Variants in THSD7A observed in about 807,000 individuals in gnomAD.
THSD7A encodes the protein thrombospondin type-1 domain-containing protein 7A.
Under a neutral mutation model 231.3 loss-of-function variants are expected in THSD7A, and 96 were observed. That is an observed-to-expected ratio of 0.41 (90% CI 0.35 to 0.49). The LOEUF (loss-of-function observed/expected upper bound fraction) is 0.49, where lower values mean the gene tolerates loss of function less well. THSD7A is among the 20% of genes least tolerant of loss of function. THSD7A has a pLI of 0.05. For missense variants in THSD7A, 2,290 were observed against 2,070.2 expected (o/e 1.11, Z -2.06); for synonymous variants, 940 against 743.3 (o/e 1.26, Z -4.30).
intron 4 of THSD7A, among the ~76,000 whole-genome samples, chr7:11,563,952 T>C (rs1337392136): frequency 6.6e-6 from 1 of 152,162 alleles, no homozygotes; most frequent in Non-Finnish European, 1.5e-5. Flanking sequence ...GTGTTTTTTC[T>C]TACACTAGAC....
chr7:11,536,462 G>A (rs1173498602), intron 6 of THSD7A, among the ~76,000 whole-genome samples: 1 of 152,108 alleles, frequency 6.6e-6, no homozygotes, highest in Non-Finnish European at 1.5e-5. Flanking sequence ...GGCCAATATG[G>A]AGAATTGGAA....
chr7:11,607,506 G>A lies in THSD7A; in HGVS notation c.1023-14004C>T, dbSNP rs182890982. Among the ~76,000 whole-genome samples the A allele has an allele frequency of 1.7e-4, 26 of 151,354 alleles. No homozygotes were observed. The East Asian group carries it at 5.0e-3, about 29-fold the overall frequency. ...TTTAAGTTTTTATAACTTAACCTCA[G>A]TTCTGATTGTCTTGTGTTTTCAGAT... On this transcript the variant is annotated intron_variant, in intron 2 of 27. Transcript: ENST00000423059.
At chr7:11,582,147 C>A (rs1159361187) in intron 4 of THSD7A, among the ~76,000 whole-genome samples, 2 of 151,708 alleles carry the variant, frequency 1.3e-5, no homozygotes, top group Admixed American at 6.6e-5. Context: ...TTATTTAGTA[C>A]TTCTATTAAA....
intron 6 of THSD7A, among the ~76,000 whole-genome samples, chr7:11,487,722 C>A (rs1461027642): frequency 6.6e-6 from 1 of 151,900 alleles, no homozygotes; most frequent in Non-Finnish European, 1.5e-5. Context: ...AGGGGAACTC[C>A]CATTGAAAAA....
rs145407573 is a variant in THSD7A at position 11,412,480 on chromosome 7, T to TA, written c.3682+175dup. Reference sequence around the variant, plus strand: ...TTATTTCCTCTATCTTAGTGTTTACTAAAAAAAAAACCCAGATAAGTATTT... The same window carrying TA: ...TTATTTCCTCTATCTTAGTGTTTACTAAAAAAAAAAACCCAGATAAGTATTT... On this transcript the variant is annotated intron_variant, in intron 18 of 27. Transcript: ENST00000423059. Among the ~76,000 whole-genome samples, 704 of 148,528 alleles carry TA rather than the reference T, an allele frequency of 4.7e-3. 9 individuals are homozygous for TA. The highest frequency in any genetic ancestry group is 0.015 in the African/African-American group (611 of 40,688).
intron 1 of THSD7A, among the ~76,000 whole-genome samples, chr7:11,818,464 G>C (rs1784776234): frequency 6.6e-6 from 1 of 152,172 alleles, no homozygotes; most frequent in Non-Finnish European, 1.5e-5. Flanking sequence ...TCAACAATGT[G>C]TGTCAACGGG....
At chr7:11,414,348 C>T (rs775856937) in intron 17 of THSD7A, among the ~76,000 whole-genome samples, 3 of 152,288 alleles carry the variant, frequency 2.0e-5, no homozygotes, top group East Asian at 3.9e-4. Flanking sequence ...ACGTGGGACA[C>T]GAGGGGGCAT....
At chr7:11,691,602 C>T (rs1464438010) in intron 1 of THSD7A, among the ~76,000 whole-genome samples, 1 of 151,190 alleles carries the variant, frequency 6.6e-6, no homozygotes, top group East Asian at 2.0e-4. Context: ...TATATATAAT[C>T]CATAACATCT....
chr7:11,602,139 A>C (rs1780573236), intron 2 of THSD7A, among the ~76,000 whole-genome samples: 1 of 152,204 alleles, frequency 6.6e-6, no homozygotes, highest in Non-Finnish European at 1.5e-5. Flanking sequence ...AGGAGAACTT[A>C]GGAATTATGG....
intron 6 of THSD7A, among the ~76,000 whole-genome samples, chr7:11,507,050 C>A (rs1237654399): frequency 6.6e-6 from 1 of 152,124 alleles, no homozygotes. Flanking sequence ...GTTCCTGACA[C>A]ACAGAACATT....
At chr7:11,660,707 T>C (rs140001163) in intron 1 of THSD7A, among the ~76,000 whole-genome samples, 22 of 151,544 alleles carry the variant, frequency 1.5e-4, no homozygotes, top group African/African-American at 5.3e-4. Context: ...AAAAATTACA[T>C]ATGGATTAAG....
At chr7:11,810,722 T>C (rs1784508159) in intron 1 of THSD7A, among the ~76,000 whole-genome samples, 1 of 152,150 alleles carries the variant, frequency 6.6e-6, no homozygotes, top group South Asian at 2.1e-4. Flanking sequence ...ACCATACACA[T>C]GGACATGTAG....
Position 11,474,339 on chromosome 7 carries a change from G to A in THSD7A, c.2247C>T (p.Pro749=), listed in dbSNP as rs1391249420. 1 of 1,605,192 alleles carries A rather than the reference G, an allele frequency of 6.2e-7. No individual in the cohort carries two copies. Among genetic ancestry groups the A allele is most frequent in the Non-Finnish European group, 8.5e-7 (1 of 1,175,380 alleles). The part of the protein sequence containing the change: ...CVRVNVGQVG[P]KKCPESLRPE... ...TGTCATTCTAAAGCTCTTACTTTTT[G>A]GGTCCCACTTGGCCCACATTGACTC... is the stretch of plus-strand genomic sequence containing the variant. The change falls in exon 8 of 28, where the codon CCC becomes CCT. Residue 749 remains proline, a synonymous_variant. Transcript: ENST00000423059. The surrounding 1 kb of genome is among the most constrained non-coding windows in gnomAD (Gnocchi z 4.1).
rs538255193 is a variant in THSD7A, at chr7:11,699,083, A to T, written c.191-62122T>A. 3.3e-4 allele frequency among the ~76,000 whole-genome samples: 50 copies of T among 150,956 alleles called. No homozygotes were observed. In the South Asian group the frequency reaches 1.0e-2, roughly 30 times the overall value. ...CAAATACAGCACTTTTTTTGTAAGG[A>T]AATAAATGAACCACCCTCATACAAA... On this transcript the variant is annotated intron_variant, in intron 1 of 27. Coordinates refer to ENST00000423059, the MANE Select transcript of THSD7A (RefSeq NM_015204.3).
chr7:11,617,497 T>G (rs1481621051), intron 2 of THSD7A, among the ~76,000 whole-genome samples: 1 of 152,226 alleles, frequency 6.6e-6, no homozygotes, highest in Admixed American at 6.5e-5. Context: ...CTACAAATTC[T>G]TATTGGAAGT....
chr7:11,558,265 A>T (rs1454664063), intron 4 of THSD7A, among the ~76,000 whole-genome samples: 1 of 152,124 alleles, frequency 6.6e-6, no homozygotes, highest in Non-Finnish European at 1.5e-5. Context: ...TCCAGGGAAT[A>T]TTTTTTAATT....
intron 19 of THSD7A, among the ~76,000 whole-genome samples, chr7:11,409,578 C>T (rs1783710180): frequency 6.6e-6 from 1 of 152,116 alleles, no homozygotes; most frequent in South Asian, 2.1e-4. Context: ...TAAAATTGGT[C>T]ATGTATGCTT....
At chr7:11,587,970 G>T (rs1404680997) in intron 4 of THSD7A, among the ~76,000 whole-genome samples, 1 of 152,154 alleles carries the variant, frequency 6.6e-6, no homozygotes, top group African/African-American at 2.4e-5. Flanking sequence ...AACACATGGT[G>T]TGAAACTGCA....
chr7:11,597,581 G>A (rs1330611090), intron 2 of THSD7A, among the ~76,000 whole-genome samples: 1 of 152,156 alleles, frequency 6.6e-6, no homozygotes, highest in Non-Finnish European at 1.5e-5. Context: ...AGGCCTCTAG[G>A]ATTTTGGAAC....
Sources: allele counts gnomAD v4.1 joint callset (sites outside exome capture counted in the v4.1 genomes callset), GRCh38; gene constraint gnomAD v4.1.1; non-coding constraint Gnocchi (gnomAD v3.1); transcripts MANE v1.5; gene names NCBI Gene and HGNC (gene_info 2026-07-23, HGNC 2026-07-21).